IDO2: variants seen among roughly 807,000 people sequenced by gnomAD.
The protein encoded by IDO2 is indoleamine 2,3-dioxygenase 2, also known as indoleamine 2,3-dioxygenase-like 1 protein.
IDO2 carries 46 observed loss-of-function variants against 45.1 expected under a neutral mutation model. That is an observed-to-expected ratio of 1.02 (90% CI 0.80 to 1.30). The LOEUF is 1.30. Among genes scored for constraint, IDO2 ranks in the 50% most tolerant of loss-of-function variants. The pLI, the probability that IDO2 is intolerant of heterozygous loss-of-function variation, is 0.00. For missense variants in IDO2, 544 were observed against 491.8 expected (o/e 1.11, Z -1.00); for synonymous variants, 218 against 184.9 (o/e 1.18, Z -1.45).
At chr8:39,975,572 A>G (rs771829546) in intron 3 of IDO2, among the ~76,000 whole-genome samples, 3 of 152,224 alleles carry the variant, frequency 2.0e-5, no homozygotes, top group East Asian at 3.8e-4. Context: ...AGTTAAAACC[A>G]TAATGGGATA....
chr8:39,986,863 C>CTTATTATTATTATTA (rs1563435669), intron 6 of IDO2: 1 of 47,062 alleles, frequency 2.1e-5, no homozygotes, highest in East Asian at 1.4e-3. Context: ...CTCACAATAT[C>CTTATTATTATTATTA]TCATTATTAT....
intron 1 of IDO2, among the ~76,000 whole-genome samples, chr8:39,939,294 C>G (rs1178758749): frequency 6.7e-6 from 1 of 148,168 alleles, no homozygotes; most frequent in Non-Finnish European, 1.5e-5. Flanking sequence ...CACCTGTAAT[C>G]CCAGCACTTT....
At chr8:39,964,215 T>C (rs965338137) in intron 3 of IDO2, among the ~76,000 whole-genome samples, 6 of 152,228 alleles carry the variant, frequency 3.9e-5, no homozygotes, top group East Asian at 1.9e-4. Context: ...ATTAGGCTGA[T>C]ACAAAGGTAA....
chr8:39,981,429 TA>T (rs1808350397), intron 4 of IDO2, among the ~76,000 whole-genome samples: 1 of 152,074 alleles, frequency 6.6e-6, no homozygotes, highest in Non-Finnish European at 1.5e-5. Context: ...GTCCTCTTTA[TA>T]CCATCCCCTC....
intron 4 of IDO2, among the ~76,000 whole-genome samples, chr8:39,979,903 T>C (rs981553244): frequency 2.6e-5 from 4 of 152,134 alleles, no homozygotes; most frequent in Non-Finnish European, 1.5e-5. Flanking sequence ...CACTGCAGCC[T>C]CAACTCCTCC....
chr8:40,008,852 T>C (rs1381918181), intron 9 of IDO2, among the ~76,000 whole-genome samples: 2 of 152,212 alleles, frequency 1.3e-5, no homozygotes, highest in Non-Finnish European at 2.9e-5. Flanking sequence ...ATATTTCCCA[T>C]GTAGCTAAGT....
intron 9 of IDO2, 116 bp downstream of exon 9, chr8:40,005,494 T>G (rs1484569466): frequency 3.7e-6 from 2 of 547,130 alleles, no homozygotes; most frequent in Non-Finnish European, 6.1e-6. Flanking sequence ...TGACTCTTGC[T>G]AGGGATCCAC....
At chr8:39,957,042 C>CAAAAAAAAAA (rs56064306) in intron 2 of IDO2, among the ~76,000 whole-genome samples, 1 of 31,326 alleles carries the variant, frequency 3.2e-5, no homozygotes, top group African/African-American at 1.2e-4. Context: ...GACTCCATCT[C>CAAAAAAAAAA]AAAAAAAAAA....
At chr8:39,974,915 G>A (rs190833209) in intron 3 of IDO2, among the ~76,000 whole-genome samples, 6 of 151,384 alleles carry the variant, frequency 4.0e-5, no homozygotes, top group African/African-American at 9.7e-5. Context: ...GTGACAGAGC[G>A]AGACTCCGTC....
Position 39,949,027 on chromosome 8 carries a change from A to G in IDO2, c.-17-122A>G, listed in dbSNP as rs138886694. The G allele has an allele frequency of 1.2e-5, 15 of 1,281,740 alleles. No individual in the cohort carries two copies. In the East Asian group the frequency reaches 3.6e-4, roughly 31 times the overall value. The allele number at this position is 1,281,740 out of a possible 1,614,324, so 79.4% of individuals were successfully genotyped here. ...AAAGTCCATGATGATCTGGAATTCA[A>G]CCTCAGGGAAAAGTTCTCTCCTGTG... On this transcript the variant is annotated intron_variant, in intron 1 of 10. Transcript: ENST00000502986.
chr8:40,000,505 A>G (rs555273199), intron 8 of IDO2, among the ~76,000 whole-genome samples: 2 of 152,292 alleles, frequency 1.3e-5, no homozygotes, highest in East Asian at 1.9e-4. Flanking sequence ...ATTAAAATGT[A>G]TAAATTTCTT....
At chr8:39,969,759 T>C (rs970025423) in intron 3 of IDO2, among the ~76,000 whole-genome samples, 5 of 151,794 alleles carry the variant, frequency 3.3e-5, no homozygotes, top group Non-Finnish European at 7.4e-5. Flanking sequence ...CCTGTAATCC[T>C]AGCTACTCAG....
At chr8:39,985,871 C>A in intron 6 of IDO2, 1 of 194,752 alleles carries the variant, frequency 5.1e-6, no homozygotes, top group Non-Finnish European at 1.0e-5. Context: ...TAGTCTGTTG[C>A]CCAGGTTGGA....
intron 8 of IDO2, among the ~76,000 whole-genome samples, chr8:40,004,507 A>G (rs1028680458): frequency 2.0e-5 from 3 of 147,946 alleles, no homozygotes; most frequent in Non-Finnish European, 4.5e-5. Context: ...AAAGATGTAG[A>G]CAGATTAGAC....
At chr8:39,992,747 C>T (rs188083526) in intron 8 of IDO2, among the ~76,000 whole-genome samples, 67 of 152,240 alleles carry the variant, frequency 4.4e-4, no homozygotes, top group Admixed American at 2.5e-3. Context: ...CAAAATGGAG[C>T]GTACCAAACA....
exon 11 of IDO2, chr8:40,016,313 A>G: frequency 2.5e-6 from 1 of 397,436 alleles, no homozygotes. Context: ...AATGGATCCT[A>G]TATAAGTAAA....
exon 5 of IDO2, chr8:39,982,721 G>A (rs555940566): frequency 3.7e-6 from 6 of 1,610,502 alleles, no homozygotes; most frequent in East Asian, 2.2e-5. Context: ...TCCTATCCTG[G>A]TCCACTCAGA....
intron 1 of IDO2, among the ~76,000 whole-genome samples, chr8:39,946,561 CAT>C (rs1807734640): frequency 2.6e-5 from 4 of 152,138 alleles, no homozygotes; most frequent in African/African-American, 9.7e-5. Flanking sequence ...GAGCCGAGAT[CAT>C]GCCACTGCAC....
intron 8 of IDO2, among the ~76,000 whole-genome samples, chr8:39,999,104 A>G (rs1032804964): frequency 3.3e-5 from 5 of 152,046 alleles, no homozygotes; most frequent in Admixed American, 6.6e-5. Flanking sequence ...TAGCAGCTAT[A>G]TTCTTTTAGA....
Sources: gnomAD v4.1 joint callset for allele counts (sites outside exome capture counted in the v4.1 genomes callset) on GRCh38, gnomAD v4.1.1 for gene constraint, MANE v1.5 for transcripts, NCBI Gene and HGNC (gene_info 2026-07-23, HGNC 2026-07-21) for gene names.